SRGAP3: variants seen among roughly 807,000 people sequenced by gnomAD.
SRGAP3 encodes SLIT-ROBO Rho GTPase activating protein 3, also known as SLIT-ROBO Rho GTPase-activating protein 3.
A neutral mutation model predicts 121.1 loss-of-function variants in SRGAP3; 39 were observed. That is an observed-to-expected ratio of 0.32 (90% confidence interval 0.25 to 0.42). The LOEUF (loss-of-function observed/expected upper bound fraction) is 0.42, where lower values mean the gene tolerates loss of function less well. Ranked by LOEUF, SRGAP3 falls within the 10% of genes least tolerant of loss-of-function variation. The pLI, the probability that SRGAP3 is intolerant of heterozygous loss-of-function variation, is 1.00. For missense variants in SRGAP3, 1,213 were observed against 1,470.6 expected (o/e 0.82, Z 2.86); for synonymous variants, 601 against 570.0 (o/e 1.05, Z -0.77).
At chr3:9,087,752 T>C (rs1348005756) in intron 3 of SRGAP3, among the ~76,000 whole-genome samples, 2 of 151,750 alleles carry the variant, frequency 1.3e-5, no homozygotes, top group Admixed American at 6.6e-5. Flanking sequence ...CTACTGAGGG[T>C]TGTTGAGCAG....
At chr3:9,108,331 G>C (rs1314147250) in intron 2 of SRGAP3, among the ~76,000 whole-genome samples, 1 of 152,190 alleles carries the variant, frequency 6.6e-6, no homozygotes, top group South Asian at 2.1e-4. Context: ...AAGAATGCCT[G>C]CTTTAGGCCG....
At chr3:9,210,395 G>T (rs112384982) in intron 1 of SRGAP3, among the ~76,000 whole-genome samples, 3 of 152,312 alleles carry the variant, frequency 2.0e-5, no homozygotes, top group African/African-American at 7.2e-5. Flanking sequence ...GCCAAGGCTG[G>T]AGTATCGCTT....
chr3:9,283,998 A>T (rs1244514345), intron 3 of SRGAP3, among the ~76,000 whole-genome samples: 1 of 152,220 alleles, frequency 6.6e-6, no homozygotes, highest in Non-Finnish European at 1.5e-5. Flanking sequence ...AACTTAACAG[A>T]GTTGTAAAAT....
intron 1 of SRGAP3, among the ~76,000 whole-genome samples, chr3:9,153,196 A>G (rs1183935569): frequency 6.6e-6 from 1 of 152,198 alleles, no homozygotes; most frequent in Non-Finnish European, 1.5e-5. Flanking sequence ...ATCCATTTTA[A>G]TTGCAATGAC....
chr3:9,072,290 T>A (rs1171823652), intron 4 of SRGAP3, among the ~76,000 whole-genome samples: 1 of 152,230 alleles, frequency 6.6e-6, no homozygotes, highest in East Asian at 1.9e-4. Flanking sequence ...CTCTGGCACC[T>A]TCCTGATACT....
At chr3:9,309,464 C>A (rs1955208633) in intron 3 of SRGAP3, among the ~76,000 whole-genome samples, 1 of 152,192 alleles carries the variant, frequency 6.6e-6, no homozygotes, top group African/African-American at 2.4e-5. Context: ...ACCTCCTTAA[C>A]ATTACACTGC....
Position 9,125,549 on chromosome 3 carries a change from C to T in SRGAP3, c.68-632G>A, listed in dbSNP as rs563400229. On this transcript the variant is annotated intron_variant, in intron 1 of 21. Transcript: ENST00000383836. ...GCCACATCTGTGTCCTGCTTTAAAT[C>T]ACCTTGAATTCCATGTATGAACCTC... Among the ~76,000 whole-genome samples, 7 of 152,310 alleles carry T rather than the reference C, an allele frequency of 4.6e-5. 1 individual carries two copies. In the South Asian group the frequency reaches 1.5e-3, roughly 32 times the overall value.
chr3:9,265,904 G>A (rs1372211613), intron 3 of SRGAP3, among the ~76,000 whole-genome samples: 6 of 152,000 alleles, frequency 3.9e-5, no homozygotes, highest in South Asian at 2.1e-4. Flanking sequence ...ATCATTCCAC[G>A]ATAAAGACAC....
At chr3:9,060,003 A>C in intron 6 of SRGAP3, 1 of 613,946 alleles carries the variant, frequency 1.6e-6, no homozygotes, top group East Asian at 3.4e-5. Context: ...AGCCAACTGC[A>C]CTGGGGCCAC....
At position 8,982,657 on chromosome 3, in the gene SRGAP3, T is replaced by C. The variant is rs558612584; in HGVS notation, c.*2862A>G. On this transcript the variant is annotated 3_prime_UTR_variant, in exon 22 of 22. Coordinates refer to ENST00000383836, the MANE Select transcript of SRGAP3 (RefSeq NM_014850.4). ...AGTGAACGTCGATGGGACTGAGTGC[T>C]GTGGAGGGTGAGTGAGACATGCATA... The C allele has an allele frequency of 3.2e-5, 6 of 186,488 alleles. No individual in the cohort carries two copies. The East Asian group carries it at 4.2e-4, about 13-fold the overall frequency. The allele number at this position is 186,488 out of a possible 1,614,324, so 11.6% of individuals were successfully genotyped here.
At chr3:9,209,393 A>G (rs1952367957) in intron 1 of SRGAP3, among the ~76,000 whole-genome samples, 1 of 152,250 alleles carries the variant, frequency 6.6e-6, no homozygotes, top group Non-Finnish European at 1.5e-5. Flanking sequence ...AAATTAAGAA[A>G]AGGACTTACA....
Position 8,983,684 on chromosome 3 carries a change from A to G in SRGAP3, c.*1835T>C, listed in dbSNP as rs374122296. 3 of 231,318 alleles carry G rather than the reference A, an allele frequency of 1.3e-5. No individual in the cohort carries two copies. The highest frequency in any genetic ancestry group is 6.6e-5 in the African/African-American group (3 of 45,340). 14.3% of individuals were successfully genotyped at this position (231,318 alleles called of 1,614,324 possible). A position where few individuals can be genotyped will look rare whatever the true frequency, so the allele number is the denominator to read the frequency against. On this transcript the variant is annotated 3_prime_UTR_variant, in exon 22 of 22. Coordinates refer to ENST00000383836, the MANE Select transcript of SRGAP3 (RefSeq NM_014850.4). The stretch of plus-strand genomic sequence containing the variant: ...GCTGGAGGGCTCTGATCTAAGACTT[A>G]CCTTACTAATGATAATCACAAACGC...
chr3:9,344,062 G>A (rs983841057), intron 1 of SRGAP3, among the ~76,000 whole-genome samples: 1 of 152,202 alleles, frequency 6.6e-6, no homozygotes, highest in African/African-American at 2.4e-5. Flanking sequence ...TCTCACACCT[G>A]TAATCCCAGC....
At chr3:9,027,982 G>A in intron 12 of SRGAP3, 1 of 1,205,688 alleles carries the variant, frequency 8.3e-7, no homozygotes, top group African/African-American at 1.5e-5. Context: ...TGTGCCCAGG[G>A]ACAGGACAAG....
Position 8,985,492 on chromosome 3 carries a change from C to T in SRGAP3, c.*27G>A, listed in dbSNP as rs759441251. The T allele has an allele frequency of 6.3e-7, 1 of 1,597,480 alleles. No homozygotes were observed. The highest frequency in any genetic ancestry group is 1.1e-5 in the South Asian group (1 of 90,880). On this transcript the variant is annotated 3_prime_UTR_variant, in exon 22 of 22. Coordinates refer to ENST00000383836, the MANE Select transcript of SRGAP3 (RefSeq NM_014850.4). The surrounding 1 kb of genome is among the most constrained non-coding windows in gnomAD (Gnocchi z 5.1). ...CTGGGCCGTGGTGAGCCACAGCGGGCCACGGCGGCGCGGCCCATCCTGCAG... is the reference window on the plus strand; with the variant it reads ...CTGGGCCGTGGTGAGCCACAGCGGGTCACGGCGGCGCGGCCCATCCTGCAG...
intron 1 of SRGAP3, among the ~76,000 whole-genome samples, chr3:9,343,848 T>C (rs1038823339): frequency 1.3e-5 from 2 of 152,190 alleles, no homozygotes; most frequent in Non-Finnish European, 2.9e-5. Flanking sequence ...TTTGTATTTT[T>C]TGTAGGGACA....
chr3:9,297,907 A>G (rs1234508203), intron 3 of SRGAP3, among the ~76,000 whole-genome samples: 2 of 152,058 alleles, frequency 1.3e-5, no homozygotes, highest in African/African-American at 4.8e-5. Context: ...AAAAAAAAAA[A>G]AGAGAAAGAG....
At chr3:9,098,639 C>T (rs1948084621) in intron 3 of SRGAP3, among the ~76,000 whole-genome samples, 1 of 152,206 alleles carries the variant, frequency 6.6e-6, no homozygotes, top group South Asian at 2.1e-4. Context: ...CAAACCCTAA[C>T]CTCACCTTTC....
intron 1 of SRGAP3, among the ~76,000 whole-genome samples, chr3:9,240,002 T>C (rs996053060): frequency 6.6e-6 from 1 of 152,194 alleles, no homozygotes; most frequent in Non-Finnish European, 1.5e-5. Context: ...GGAAACTCCA[T>C]GGGCCCTACT....
Sources: allele counts gnomAD v4.1 joint callset (sites outside exome capture counted in the v4.1 genomes callset), GRCh38; gene constraint gnomAD v4.1.1; non-coding constraint Gnocchi (gnomAD v3.1); transcripts MANE v1.5; gene names NCBI Gene and HGNC (gene_info 2026-07-23, HGNC 2026-07-21).